Variants in TSPAN4 observed in about 807,000 individuals in gnomAD.
TSPAN4 encodes tetraspanin 4.
In TSPAN4, 38 loss-of-function variants were observed where a neutral mutation model predicts 31.5. The ratio of observed to expected loss-of-function variants is 1.21; its 90% CI spans 0.93 to 1.58. The LOEUF (loss-of-function observed/expected upper bound fraction) is 1.58. Ranked by LOEUF, TSPAN4 falls within the 40% of genes most tolerant of loss-of-function variation. TSPAN4 has a pLI of 0.00. For synonymous variants in TSPAN4, 186 were observed against 144.6 expected (o/e 1.29, Z -2.06); for missense variants, 330 against 317.3 (o/e 1.04, Z -0.30).
Position 866,973 on chromosome 11 carries a change from G to A in TSPAN4, c.*343G>A, listed in dbSNP as rs557951295. 2.0e-4 allele frequency: 44 copies of A among 225,316 alleles called. No individual in the cohort carries two copies. The East Asian group carries it at 4.0e-3, about 21-fold the overall frequency. The allele number at this position is 225,316 out of a possible 1,614,324, so 14.0% of individuals were successfully genotyped here. A position where few individuals can be genotyped will look rare whatever the true frequency, so the allele number is the denominator to read the frequency against. ...CCAGCCTCCTGGAAAACAGGTTGGC[G>A]CTGGAGGAGCCGGGTCTTGGCATCC... is the stretch of plus-strand genomic sequence containing the variant. On this transcript the variant is annotated 3_prime_UTR_variant, in exon 9 of 9. Transcript: ENST00000397397.
chr11:854,351 G>C (rs1847926868), intron 3 of TSPAN4, among the ~76,000 whole-genome samples: 1 of 152,224 alleles, frequency 6.6e-6, no homozygotes, highest in Non-Finnish European at 1.5e-5. Flanking sequence ...CCACCTGCCA[G>C]TGCGGGACGC....
intron 3 of TSPAN4, among the ~76,000 whole-genome samples, chr11:851,931 AG>A (rs1035366476): frequency 2.6e-5 from 4 of 151,752 alleles, no homozygotes; most frequent in Admixed American, 6.6e-5. Flanking sequence ...GTCCTTTCCC[AG>A]GGGGGGTCTC....
At chr11:865,399 G>A (rs1848711140) in intron 5 of TSPAN4, 114 bp from the exon 6 acceptor site, 1 of 788,396 alleles carries the variant, frequency 1.3e-6, no homozygotes, top group Admixed American at 2.4e-5. Context: ...AGGAGGCGCG[G>A]GGGACACAAG....
intron 4 of TSPAN4, chr11:863,075 T>G: frequency 4.9e-6 from 1 of 203,976 alleles, no homozygotes; most frequent in Non-Finnish European, 9.8e-6. Flanking sequence ...TTTCACGGGC[T>G]TGCGGTCTCC....
At position 850,519 on chromosome 11, in the gene TSPAN4, G is replaced by A. The variant is rs969503986; in HGVS notation, c.63+152G>A. 3.2e-5 allele frequency: 22 copies of A among 677,452 alleles called. No homozygotes were observed. The Admixed American group carries it at 5.2e-4, about 16-fold the overall frequency. 42.0% of individuals were successfully genotyped at this position (677,452 alleles called of 1,614,324 possible). A position where few individuals can be genotyped will look rare whatever the true frequency, so the allele number is the denominator to read the frequency against. ...CGGGAGGACCCAAGACCGCTGCTCC[G>A]GCTAGGAGCCTGGACTGGGCGGGTG... On this transcript the variant is annotated intron_variant, in intron 3 of 8. Coordinates refer to ENST00000397397, the MANE Select transcript of TSPAN4 (RefSeq NM_003271.5).
chr11:849,665 C>A (rs542827171), intron 2 of TSPAN4, among the ~76,000 whole-genome samples: 1 of 151,764 alleles, frequency 6.6e-6, no homozygotes, highest in East Asian at 2.0e-4. Context: ...GGCGAAGGGG[C>A]CGGGGTCGCG....
intron 3 of TSPAN4, among the ~76,000 whole-genome samples, chr11:860,639 C>T (rs1186637782): frequency 6.6e-6 from 1 of 152,140 alleles, no homozygotes; most frequent in Admixed American, 6.5e-5. Context: ...CTATCCCAGC[C>T]TTGGTTTCTG....
chr11:852,281 G>A (rs977055095), intron 3 of TSPAN4, among the ~76,000 whole-genome samples: 26 of 151,932 alleles, frequency 1.7e-4, no homozygotes, highest in Admixed American at 2.6e-4. Flanking sequence ...GCATCACCAC[G>A]CCTGTCTAAT....
chr11:865,931 C>T lies in TSPAN4; in HGVS notation c.578C>T (p.Thr193Met), dbSNP rs749914689. The change falls in exon 8 of 9, where the codon ACG becomes ATG. Residue 193 changes from threonine (T) to methionine (M), a missense_variant. By Grantham distance (81) the Thr-to-Met change is moderately conservative. Transcript: ENST00000397397. ...GTWWKAPCYE[T>M]VKVWLQENLL... Reference sequence around the variant, plus strand: ...CCCTCCCTGCAGCCGTGCTACGAGACGGTGAAGGTGTGGCTTCAGGAGAAC... The same window carrying T: ...CCCTCCCTGCAGCCGTGCTACGAGATGGTGAAGGTGTGGCTTCAGGAGAAC... 10 of 1,613,128 alleles carry T rather than the reference C, an allele frequency of 6.2e-6. No individual in the cohort carries two copies. The highest frequency in any genetic ancestry group is 2.2e-5 in the East Asian group (1 of 44,870).
At position 848,010 on chromosome 11, in the gene TSPAN4, C is replaced by T. The variant is rs757875016; in HGVS notation, c.-18+710C>T. 3.5e-4 allele frequency among the ~76,000 whole-genome samples: 54 copies of T among 152,174 alleles called. No homozygotes were observed. Among genetic ancestry groups the T allele is most frequent in the Non-Finnish European group, 5.3e-4 (36 of 68,024 alleles). ...TCTCCCAGTCAGCCTGGGGTCCTCC[C>T]GGGTCCCCGTGGCACCTGCCCTTGC... On this transcript the variant is annotated intron_variant, in intron 2 of 8. Coordinates refer to ENST00000397397, the MANE Select transcript of TSPAN4 (RefSeq NM_003271.5). The surrounding 1 kb of genome is among the most constrained non-coding windows in gnomAD (Gnocchi z 5.7).
chr11:853,050 G>A (rs140861755), intron 3 of TSPAN4, among the ~76,000 whole-genome samples: 1,865 of 152,070 alleles, frequency 0.012, 19 homozygotes, highest in Non-Finnish European at 0.016. Flanking sequence ...CGTCCTGGGT[G>A]TGGCTGTGGG....
rs765160382 is a variant in TSPAN4 at position 850,338 on chromosome 11, C to T, written c.34C>T (p.Leu12Phe). 6.2e-7 allele frequency: 1 copy of T among 1,607,084 alleles called. No individual in the cohort carries two copies. Among genetic ancestry groups the T allele is most frequent in the South Asian group, 1.1e-5 (1 of 90,990 alleles). The change falls in exon 3 of 9, where the codon CTC becomes TTC. Residue 12 changes from leucine (L) to phenylalanine (F), a missense_variant. Physicochemically the swap from Leu to Phe is conservative, Grantham distance 22. Transcript: ENST00000397397. Reference sequence around the variant, plus strand: ...CGCCTGCCTCCAGGCCGTCAAGTACCTCATGTTCGCCTTCAACCTGCTCTT... The same window carrying T: ...CGCCTGCCTCCAGGCCGTCAAGTACTTCATGTTCGCCTTCAACCTGCTCTT... ...ARACLQAVKY[L>F]MFAFNLLFWL... is the part of the protein sequence containing the mutation.
intron 2 of TSPAN4, among the ~76,000 whole-genome samples, chr11:849,632 G>T (rs563431765): frequency 2.0e-4 from 30 of 151,912 alleles, no homozygotes; most frequent in South Asian, 1.0e-3. Flanking sequence ...GCGCGAAGGT[G>T]GGGGGGCTGG....
chr11:864,078 C>T (rs1346617103), intron 4 of TSPAN4: 3 of 335,618 alleles, frequency 8.9e-6, no homozygotes, highest in Non-Finnish European at 1.7e-5. Context: ...ACTCAGAGGC[C>T]CCTGGATGGA....
intron 4 of TSPAN4, chr11:864,192 G>A (rs2134064673): frequency 3.4e-6 from 2 of 581,186 alleles, no homozygotes; most frequent in Middle Eastern, 4.7e-4. Flanking sequence ...GGGGAGGGGA[G>A]CCCAGGCCAG....
Position 848,978 on chromosome 11 carries a change from C to A in TSPAN4, c.-17-1310C>A. ...GGGGTGGGGTGGGGTCTTTTACAGGCTGACTTCCAGCCTGGGCTGGAGCAA... is the reference window on the plus strand; with the variant it reads ...GGGGTGGGGTGGGGTCTTTTACAGGATGACTTCCAGCCTGGGCTGGAGCAA... On this transcript the variant is annotated intron_variant, in intron 2 of 8. Coordinates refer to ENST00000397397, the MANE Select transcript of TSPAN4 (RefSeq NM_003271.5). This position sits in a 1 kb window ranked among gnomAD's most constrained non-coding sequence, Gnocchi z 5.7. 1.5e-6 allele frequency: 1 copy of A among 652,146 alleles called. No homozygotes were observed. The highest frequency in any genetic ancestry group is 1.8e-5 in the African/African-American group (1 of 54,446). The allele number at this position is 652,146 out of a possible 1,614,324, so 40.4% of individuals were successfully genotyped here.
At position 865,974 on chromosome 11, in the gene TSPAN4, C is replaced by T; in HGVS notation, c.621C>T (p.Ile207=). Residue 207 remains isoleucine, a synonymous_variant, in exon 8 of 9, where the codon ATC becomes ATT. Coordinates refer to ENST00000397397, the MANE Select transcript of TSPAN4 (RefSeq NM_003271.5). ...WLQENLLAVG[I]FGLCTALVQI... is the part of the protein sequence containing the mutation. ...AGGAGAACCTGCTGGCTGTGGGCAT[C>T]TTTGGGCTGTGCACGGCGCTGGTGC... 2 of 1,612,444 alleles carry T rather than the reference C, an allele frequency of 1.2e-6. No homozygotes were observed. Among genetic ancestry groups the T allele is most frequent in the Non-Finnish European group, 1.7e-6 (2 of 1,179,992 alleles).
At chr11:865,167 G>A (rs1256777977) in intron 5 of TSPAN4, 2 of 263,766 alleles carry the variant, frequency 7.6e-6, no homozygotes, top group Non-Finnish European at 1.5e-5. Context: ...GGGGACCGAG[G>A]CCAGGGTGCT....
chr11:846,958 A>G (rs1307682170), intron 1 of TSPAN4, among the ~76,000 whole-genome samples: 2 of 152,164 alleles, frequency 1.3e-5, no homozygotes, highest in Non-Finnish European at 2.9e-5. Flanking sequence ...GCTGTCTCAG[A>G]GCCCTGAAGG....
Sources: allele counts gnomAD v4.1 joint callset (sites outside exome capture counted in the v4.1 genomes callset), GRCh38; gene constraint gnomAD v4.1.1; non-coding constraint Gnocchi (gnomAD v3.1); transcripts MANE v1.5; gene names NCBI Gene and HGNC (gene_info 2026-07-23, HGNC 2026-07-21).